Variants in PDE1A observed in about 807,000 individuals in gnomAD.
PDE1A encodes the protein phosphodiesterase 1A.
In PDE1A, 35 loss-of-function variants were observed where a neutral mutation model predicts 61.7. The ratio of observed to expected loss-of-function variants is 0.57; its 90% CI spans 0.43 to 0.75. The LOEUF (loss-of-function observed/expected upper bound fraction) is 0.75, where lower values mean the gene tolerates loss of function less well. PDE1A is among the 30% of genes least tolerant of loss of function. The pLI, the probability that PDE1A is intolerant of heterozygous loss-of-function variation, is 0.00. For missense variants in PDE1A, 597 were observed against 630.6 expected, an observed-to-expected ratio of 0.95 and a Z score of 0.57; for synonymous variants, 232 against 213.2, an observed-to-expected ratio of 1.09 and a Z score of -0.77.
At chr2:182,195,519 T>C (rs1464066858) in intron 10 of PDE1A, among the ~76,000 whole-genome samples, 2 of 152,072 alleles carry the variant, frequency 1.3e-5, no homozygotes, top group African/African-American at 4.8e-5. Flanking sequence ...CCAATGTACA[T>C]AAAATACAGT....
At chr2:182,360,529 G>GT (rs200227796) in intron 1 of PDE1A, among the ~76,000 whole-genome samples, 8,679 of 128,502 alleles carry the variant, frequency 0.068, 334 homozygotes, top group East Asian at 0.16. Context: ...GCAGTTTAGT[G>GT]TTTTTTTTTT....
chr2:182,250,653 A>G (rs1691329915), intron 2 of PDE1A, among the ~76,000 whole-genome samples: 1 of 152,160 alleles, frequency 6.6e-6, no homozygotes, highest in Non-Finnish European at 1.5e-5. Context: ...AACTGTGAGA[A>G]GATGACCATT....
At chr2:182,640,330 A>G in the PDE1A span, among the ~76,000 whole-genome samples, 9 of 152,344 alleles carry the variant, frequency 5.9e-5, no homozygotes, top group South Asian at 1.9e-3. Context: ...ACACTGAATA[A>G]AAGTGGGGAT....
At chr2:182,300,156 G>A (rs72897084) in intron 1 of PDE1A, among the ~76,000 whole-genome samples, 38,266 of 152,136 alleles carry the variant, frequency 0.25, 5,464 homozygotes, top group Non-Finnish European at 0.33. Flanking sequence ...AGATTTTCAA[G>A]TCAGTTCTGC....
At chr2:182,518,789 C>T (rs1690374821) in intron 2 of PDE1A, among the ~76,000 whole-genome samples, 1 of 151,932 alleles carries the variant, frequency 6.6e-6, no homozygotes, top group African/African-American at 2.4e-5. Context: ...TTAGATTTTT[C>T]CCTATAATTT....
chr2:182,481,210 AG>A (rs1389358068), intron 2 of PDE1A, among the ~76,000 whole-genome samples: 2 of 152,114 alleles, frequency 1.3e-5, no homozygotes, highest in East Asian at 3.9e-4. Context: ...TTGTGTGAAA[AG>A]GAAGAGTGTA....
At chr2:182,679,126 T>G in the PDE1A span, among the ~76,000 whole-genome samples, 184 of 149,692 alleles carry the variant, frequency 1.2e-3, 5 homozygotes, top group East Asian at 0.032. Flanking sequence ...TGCCTCAGCC[T>G]CCTGAGTAGC....
chr2:182,282,712 T>C (rs1409541027), intron 1 of PDE1A, among the ~76,000 whole-genome samples: 1 of 152,012 alleles, frequency 6.6e-6, no homozygotes, highest in Non-Finnish European at 1.5e-5. Context: ...TTGTTTATTT[T>C]TTTGCAATTT....
the PDE1A span, among the ~76,000 whole-genome samples, chr2:182,558,702 C>G: frequency 1.3e-5 from 2 of 152,128 alleles, no homozygotes; most frequent in Admixed American, 6.5e-5. Flanking sequence ...AAAAGCCATG[C>G]CAAAGACAAA....
intron 1 of PDE1A, among the ~76,000 whole-genome samples, chr2:182,275,880 A>G (rs907855281): frequency 4.6e-5 from 7 of 152,122 alleles, no homozygotes; most frequent in African/African-American, 1.4e-4. Context: ...AAATAGAAAC[A>G]TTGGCATATG....
the PDE1A span, among the ~76,000 whole-genome samples, chr2:182,613,344 C>T: frequency 6.6e-6 from 1 of 152,086 alleles, no homozygotes; most frequent in South Asian, 2.1e-4. Context: ...GAGTGGATCA[C>T]GAGGTCAGGA....
intron 7 of PDE1A, among the ~76,000 whole-genome samples, chr2:182,206,848 G>A (rs371731363): frequency 2.1e-4 from 32 of 152,080 alleles, no homozygotes; most frequent in African/African-American, 6.5e-4. Context: ...TTTCTTCTTC[G>A]CACTCTCTCC....
At chr2:182,262,633 C>T (rs1692304201) in intron 2 of PDE1A, among the ~76,000 whole-genome samples, 1 of 152,084 alleles carries the variant, frequency 6.6e-6, no homozygotes, top group African/African-American at 2.4e-5. Context: ...ACTCTGCAGA[C>T]AAAGAAAGAA....
intron 10 of PDE1A, among the ~76,000 whole-genome samples, chr2:182,190,547 T>C (rs1318234021): frequency 1.3e-5 from 2 of 152,188 alleles, no homozygotes; most frequent in Non-Finnish European, 2.9e-5. Flanking sequence ...ATTTACTTGT[T>C]TTAGGGATAA....
Position 182,264,621 on chromosome 2 carries a change from G to A in PDE1A, c.54-207C>T, listed in dbSNP as rs1238087400. 5.3e-5 allele frequency among the ~76,000 whole-genome samples: 8 copies of A among 151,362 alleles called. No individual in the cohort carries two copies. The South Asian group carries it at 6.3e-4, about 12-fold the overall frequency. On this transcript the variant is annotated intron_variant, in intron 1 of 13. Coordinates refer to ENST00000351439, the Ensembl canonical transcript of PDE1A. ...AATTATTAGGTATTATATTCAGCTC[G>A]CAATAATATTAGGAGTATGGGTAGC...
chr2:182,386,284 G>A (rs931944268), intron 1 of PDE1A, among the ~76,000 whole-genome samples: 7 of 152,156 alleles, frequency 4.6e-5, no homozygotes, highest in African/African-American at 1.4e-4. Context: ...GGGAAGTGAG[G>A]AGCGTCTCTG....
chr2:182,712,071 G>T, the PDE1A span, among the ~76,000 whole-genome samples: 42 of 152,132 alleles, frequency 2.8e-4, no homozygotes, highest in Non-Finnish European at 4.9e-4. Flanking sequence ...TAGACCATAG[G>T]GTCAGTTCTG....
chr2:182,144,843 G>C (rs939263960), downstream of PDE1A, among the ~76,000 whole-genome samples: 11 of 152,172 alleles, frequency 7.2e-5, no homozygotes, highest in African/African-American at 2.7e-4. Context: ...TTTACTTTAA[G>C]AACCTTTCTT....
intron 13 of PDE1A, among the ~76,000 whole-genome samples, chr2:182,175,294 C>A (rs1692636069): frequency 6.6e-6 from 1 of 152,088 alleles, no homozygotes; most frequent in African/African-American, 2.4e-5. Context: ...ATTTACCCTC[C>A]CACCAACAGT....
Sources: allele counts gnomAD v4.1 joint callset (sites outside exome capture counted in the v4.1 genomes callset), GRCh38; gene constraint gnomAD v4.1.1; transcripts MANE v1.5; gene names NCBI Gene and HGNC (gene_info 2026-07-23, HGNC 2026-07-21).